The following KIAA0513 variants were observed in gnomAD, a reference collection of about 807,000 sequenced individuals.
KIAA0513 encodes KIAA0513, also known as uncharacterized protein KIAA0513.
Under a neutral mutation model 56.5 loss-of-function variants are expected in KIAA0513, and 39 were observed. That is an observed-to-expected ratio of 0.69 (90% CI 0.53 to 0.90). KIAA0513 has a LOEUF of 0.90. Ranked by LOEUF, KIAA0513 falls within the 40% of genes least tolerant of loss-of-function variation. The probability of loss-of-function intolerance (pLI) is 0.00; values close to 1 mark genes in which losing one functional copy is unlikely to be tolerated. For missense variants in KIAA0513, 591 were observed against 535.2 expected, an observed-to-expected ratio of 1.10 and a Z score of -1.03; for synonymous variants, 268 against 215.6, an observed-to-expected ratio of 1.24 and a Z score of -2.13.
At chr16:85,073,536 C>T (rs1330340648) in intron 4 of KIAA0513, among the ~76,000 whole-genome samples, 1 of 152,190 alleles carries the variant, frequency 6.6e-6, no homozygotes, top group South Asian at 2.1e-4. Context: ...CATCTCTGCC[C>T]CCGCTCACCT....
In KIAA0513 at chr16:85,077,632, A is replaced by G; in HGVS notation, c.782A>G (p.Glu261Gly). The G allele has an allele frequency of 6.2e-7, 1 of 1,606,102 alleles. No individual in the cohort carries two copies. Residue 261 changes from glutamate to glycine, a missense_variant and splice_region_variant, in exon 6 of 13, where the codon GAG becomes GGG. Transcript: ENST00000683363. Reference protein sequence around the residue: ...KLKGPLARRNEEDENKPQEKR... With the variant: ...KLKGPLARRNGEDENKPQEKR... Reference sequence around the variant, plus strand: ...AAGGGGCCCCTGGCCAGGAGGAACGAGTACGTGTGGCCTTGGGGTCCCTCC... The same window carrying G: ...AAGGGGCCCCTGGCCAGGAGGAACGGGTACGTGTGGCCTTGGGGTCCCTCC...
At chr16:85,086,529 C>A (rs1365071092) in intron 10 of KIAA0513, 115 bp from the exon 11 acceptor site, 22 of 967,154 alleles carry the variant, frequency 2.3e-5, no homozygotes, top group Non-Finnish European at 3.2e-5. Flanking sequence ...CCCTTCTGTG[C>A]CCGGTGGGGG....
chr16:85,074,282 A>G (rs1324391048), intron 4 of KIAA0513, among the ~76,000 whole-genome samples: 1 of 151,390 alleles, frequency 6.6e-6, no homozygotes, highest in East Asian at 1.9e-4. Context: ...GCCATATTCC[A>G]TTTATATATA....
intron 1 of KIAA0513, among the ~76,000 whole-genome samples, chr16:85,040,051 C>T (rs1017465764): frequency 1.3e-5 from 2 of 152,070 alleles, no homozygotes; most frequent in Non-Finnish European, 1.5e-5. Context: ...CCAGGCTAGT[C>T]TCGAACTCCT....
intron 8 of KIAA0513, 200 bp downstream of exon 8, chr16:85,079,203 G>A: frequency 8.6e-7 from 1 of 1,165,434 alleles, no homozygotes; most frequent in Non-Finnish European, 1.2e-6. Flanking sequence ...ATGGCTAGGA[G>A]CAATGTAAAT....
chr16:85,082,475 C>A (rs572117387), intron 9 of KIAA0513, 89 bp from the exon 10 acceptor site: 8 of 1,276,114 alleles, frequency 6.3e-6, no homozygotes, highest in Non-Finnish European at 9.1e-6. Flanking sequence ...CTGTAATAAC[C>A]CTCCTCTGCT....
In KIAA0513 at chr16:85,089,425, A is replaced by G. The variant is rs1040148403; in HGVS notation, c.*1100A>G. ...TCTGCAGAGACTCCCTTCACCTCGC[A>G]CTTACTGCCTGGGAACCACGGCCCT... On this transcript the variant is annotated 3_prime_UTR_variant, in exon 13 of 13. Transcript: ENST00000683363. This position sits in a 1 kb window ranked among gnomAD's most constrained non-coding sequence, Gnocchi z 4.2. 1 of 152,644 alleles carries G rather than the reference A, an allele frequency of 6.6e-6. No homozygotes were observed. The highest frequency in any genetic ancestry group is 1.5e-5 in the Non-Finnish European group (1 of 68,440). The allele number at this position is 152,644 out of a possible 1,614,324, so 9.5% of individuals were successfully genotyped here.
At position 85,050,345 on chromosome 16, in the gene KIAA0513, TTA is replaced by T. The variant is rs1189517956; in HGVS notation, c.-172-16553_-172-16552del. On this transcript the variant is annotated intron_variant, in intron 1 of 12. Transcript: ENST00000683363. The stretch of plus-strand genomic sequence containing the variant: ...GATTGATATTTATTTATTTATTTAT[TTA>T]TTTATTTATTTATTTTTTTTGAGAC... 1.9e-3 allele frequency among the ~76,000 whole-genome samples: 216 copies of T among 112,134 alleles called. 5 individuals carry two copies. In the East Asian group the frequency reaches 0.031, roughly 16 times the overall value. 73.6% of individuals were successfully genotyped at this position (112,134 alleles called of 152,430 possible). A position where few individuals can be genotyped will look rare whatever the true frequency, so the allele number is the denominator to read the frequency against.
At chr16:85,043,392 GCTT>G (rs2073128791) in intron 1 of KIAA0513, among the ~76,000 whole-genome samples, 1 of 143,956 alleles carries the variant, frequency 6.9e-6, no homozygotes, top group South Asian at 2.2e-4. Flanking sequence ...GGAGCCTGTT[GCTT>G]CTTGGATTTT....
intron 1 of KIAA0513, among the ~76,000 whole-genome samples, chr16:85,039,531 T>C (rs1252521240): frequency 6.6e-6 from 1 of 152,208 alleles, no homozygotes; most frequent in East Asian, 1.9e-4. Context: ...CTTGAATTCC[T>C]GGGTTCAAGC....
At chr16:85,031,929 C>A (rs1474218801) in intron 1 of KIAA0513, among the ~76,000 whole-genome samples, 1 of 152,160 alleles carries the variant, frequency 6.6e-6, no homozygotes, top group African/African-American at 2.4e-5. Context: ...GCTAGCGGAC[C>A]ACTGGGCAAG....
intron 2 of KIAA0513, among the ~76,000 whole-genome samples, chr16:85,067,613 G>C (rs550795867): frequency 6.6e-6 from 1 of 152,208 alleles, no homozygotes; most frequent in African/African-American, 2.4e-5. Flanking sequence ...CCTGAGCCTG[G>C]ACTTCACTCC....
chr16:85,028,332 A>C (rs2072917330), intron 1 of KIAA0513, among the ~76,000 whole-genome samples: 1 of 152,152 alleles, frequency 6.6e-6, no homozygotes, highest in South Asian at 2.1e-4. Flanking sequence ...TTGGCGAGTC[A>C]TGCGTGTGTG....
At chr16:85,050,359 A>T (rs10540471) in intron 1 of KIAA0513, among the ~76,000 whole-genome samples, 23,332 of 64,890 alleles carry the variant, frequency 0.36, 2,601 homozygotes, top group African/African-American at 0.54. Context: ...TTATTTATTT[A>T]TTTTTTTTGA....
Position 85,068,091 on chromosome 16 carries a change from G to A in KIAA0513, c.329+691G>A, listed in dbSNP as rs140043487. Among the ~76,000 whole-genome samples, 1,442 of 151,960 alleles carry A rather than the reference G, an allele frequency of 9.5e-3. 25 individuals carry two copies. The highest frequency in any genetic ancestry group is 0.033 in the African/African-American group (1,379 of 41,446). On this transcript the variant is annotated intron_variant, in intron 2 of 12. Coordinates refer to ENST00000683363, the MANE Select transcript of KIAA0513 (RefSeq NM_001388359.1). ...CTCCCAAAGTGTTGGGATTACAGGC[G>A]TTAGCCACCGTACCCGGCTGAGCTC...
chr16:85,038,460 A>C (rs2073063198), intron 1 of KIAA0513, among the ~76,000 whole-genome samples: 2 of 152,120 alleles, frequency 1.3e-5, no homozygotes, highest in Non-Finnish European at 2.9e-5. Context: ...TAATCCCAGA[A>C]GTTTGGGAGG....
At chr16:85,067,520 C>A in intron 2 of KIAA0513, 120 bp downstream of exon 2, 1 of 791,902 alleles carries the variant, frequency 1.3e-6, no homozygotes, top group South Asian at 1.8e-5. Flanking sequence ...TTCCATTTCC[C>A]CATCAGCCAG....
chr16:85,074,057 C>T (rs983420163), intron 4 of KIAA0513, among the ~76,000 whole-genome samples: 16 of 151,984 alleles, frequency 1.1e-4, no homozygotes, highest in African/African-American at 3.9e-4. Context: ...TCACTGCAAC[C>T]TCCGCCTCCC....
chr16:85,057,126 G>C (rs938404744), intron 1 of KIAA0513, among the ~76,000 whole-genome samples: 1 of 152,176 alleles, frequency 6.6e-6, no homozygotes, highest in Non-Finnish European at 1.5e-5. Context: ...TTGTTTGCGA[G>C]TCAGCTGAAT....
Sources: allele counts gnomAD v4.1 joint callset (sites outside exome capture counted in the v4.1 genomes callset), GRCh38; gene constraint gnomAD v4.1.1; non-coding constraint Gnocchi (gnomAD v3.1); transcripts MANE v1.5; gene names NCBI Gene and HGNC (gene_info 2026-07-23, HGNC 2026-07-21).